Variants in GSDMC observed in about 807,000 individuals in gnomAD.
GSDMC encodes gasdermin C, also known as gasdermin-C.
Under a neutral mutation model 58.0 loss-of-function variants are expected in GSDMC, and 59 were observed. That is an observed-to-expected ratio of 1.02 (90% CI 0.82 to 1.26). The LOEUF is 1.26. Among genes scored for constraint, GSDMC ranks in the 50% most tolerant of loss-of-function variants. The pLI, the probability that GSDMC is intolerant of heterozygous loss-of-function variation, is 0.00. For missense variants in GSDMC, 659 were observed against 598.5 expected, an observed-to-expected ratio of 1.10 and a Z score of -1.06; for synonymous variants, 241 against 220.2, an observed-to-expected ratio of 1.09 and a Z score of -0.83.
chr8:129,749,044 G>A (rs936394717), intron 13 of GSDMC, among the ~76,000 whole-genome samples: 1 of 152,120 alleles, frequency 6.6e-6, no homozygotes, highest in Non-Finnish European at 1.5e-5. Flanking sequence ...ATAAAGGTAT[G>A]TATTTATATA....
the GSDMC span, among the ~76,000 whole-genome samples, chr8:129,717,164 A>ATTG: frequency 6.9e-6 from 1 of 144,514 alleles, no homozygotes; most frequent in African/African-American, 2.5e-5. Flanking sequence ...CTCTTTTTCT[A>ATTG]TTGTTTGGAA....
At chr8:129,735,097 A>G in the GSDMC span, among the ~76,000 whole-genome samples, 1 of 152,240 alleles carries the variant, frequency 6.6e-6, no homozygotes, top group Non-Finnish European at 1.5e-5. Context: ...ATTCAACAAG[A>G]AGAGCTAACT....
At chr8:129,752,952 CCA>C in intron 6 of GSDMC, 132 bp from the exon 7 acceptor site, 2 of 1,441,132 alleles carry the variant, frequency 1.4e-6, no homozygotes, top group Non-Finnish European at 1.9e-6. Flanking sequence ...TGAACAAGAC[CCA>C]CTCAAAGAGG....
In GSDMC at chr8:129,765,811, G is replaced by C; in HGVS notation, c.405-18C>G. On this transcript the variant is annotated intron_variant, in intron 3 of 13. Transcript: ENST00000276708. ...ACAGTTTCCTGGGGATTTAAGGAAG[G>C]AGGACAAGAGTCAGAGTGGGAAAGT... 1 of 1,609,210 alleles carries C rather than the reference G, an allele frequency of 6.2e-7. No homozygotes were observed. Among genetic ancestry groups the C allele is most frequent in the Non-Finnish European group, 8.5e-7 (1 of 1,177,266 alleles).
the GSDMC span, chr8:129,705,685 A>G: frequency 6.6e-6 from 1 of 152,242 alleles, no homozygotes; most frequent in Non-Finnish European, 1.5e-5. Context: ...CATGGGGATT[A>G]TGGGAACTAT....
the GSDMC span, among the ~76,000 whole-genome samples, chr8:129,734,046 C>T: frequency 2.3e-4 from 35 of 152,004 alleles, no homozygotes; most frequent in South Asian, 4.2e-3. Flanking sequence ...CTTCAACAGC[C>T]GATTCAATCA....
chr8:129,740,786 C>T, the GSDMC span, among the ~76,000 whole-genome samples: 1 of 152,150 alleles, frequency 6.6e-6, no homozygotes, highest in East Asian at 1.9e-4. Context: ...TTCTCCTAAT[C>T]CATAGGTTGT....
At chr8:129,769,387 A>T (rs1356531679) in intron 3 of GSDMC, among the ~76,000 whole-genome samples, 2 of 152,170 alleles carry the variant, frequency 1.3e-5, no homozygotes, top group Non-Finnish European at 2.9e-5. Context: ...GAAAGAAAAA[A>T]ACTGTCTTAG....
chr8:129,749,719 G>A (rs1170126834), intron 12 of GSDMC, among the ~76,000 whole-genome samples, 194 bp from the exon 13 acceptor site: 1 of 152,140 alleles, frequency 6.6e-6, no homozygotes, highest in African/African-American at 2.4e-5. Flanking sequence ...AGGGACCAGA[G>A]GACGGGATTC....
chr8:129,736,354 C>G, the GSDMC span, among the ~76,000 whole-genome samples: 1 of 152,256 alleles, frequency 6.6e-6, no homozygotes, highest in East Asian at 1.9e-4. Context: ...AATTTTAGAC[C>G]AATATCCCTG....
At chr8:129,775,760 A>AT (rs879594602) in intron 3 of GSDMC, among the ~76,000 whole-genome samples, 10 of 152,108 alleles carry the variant, frequency 6.6e-5, no homozygotes, top group Non-Finnish European at 1.3e-4. Flanking sequence ...TTGTTAATTT[A>AT]TTTTTTATTG....
the GSDMC span, among the ~76,000 whole-genome samples, chr8:129,716,047 G>T: frequency 6.6e-6 from 1 of 151,940 alleles, no homozygotes; most frequent in Non-Finnish European, 1.5e-5. Flanking sequence ...AAGATAAAAA[G>T]GAATTATTTG....
Position 129,765,746 on chromosome 8 carries a change from C to T in GSDMC, c.452G>A (p.Arg151Lys). The T allele has an allele frequency of 6.2e-7, 1 of 1,613,848 alleles. No homozygotes were observed. The highest frequency in any genetic ancestry group is 8.5e-7 in the Non-Finnish European group (1 of 1,179,726). The stretch of plus-strand genomic sequence containing the variant: ...TGTCACCACGTACAGGTTGTCCCCT[C>T]TCCTCCGGCACTCCTTCAGAAATGA... ...EPSFLKECRR[R>K]GDNLYVVTEA... Residue 151 changes from arginine to lysine, a missense_variant, in exon 4 of 14, where the codon AGA (arginine) becomes AAA (lysine). Transcript: ENST00000276708.
rs1287627052 is a variant in GSDMC at position 129,786,353 on chromosome 8, A to G, written c.-347T>C. 3 of 152,074 alleles carry G rather than the reference A, an allele frequency of 2.0e-5. No homozygotes were observed. Among genetic ancestry groups the G allele is most frequent in the South Asian group, 2.1e-4 (1 of 4,818 alleles). The allele number at this position is 152,074 out of a possible 1,614,324, so 9.4% of individuals were successfully genotyped here. ...AAAAAAAAGAGAGAAAAATAGCACAATTGAGTAGGGCCCCTTCCAATCTTC... is the reference window on the plus strand; with the variant it reads ...AAAAAAAAGAGAGAAAAATAGCACAGTTGAGTAGGGCCCCTTCCAATCTTC... On this transcript the variant is annotated 5_prime_UTR_variant, in exon 1 of 14. Transcript: ENST00000276708.
rs775129703 is a variant in GSDMC, at chr8:129,749,538, G to T, written c.1214-13C>A. ...AAGTCACTCAGCACTGAGGGTGGGG[G>T]ACATGTGGGGAAAGACAGTAGTGAA... On this transcript the variant is annotated splice_polypyrimidine_tract_variant and intron_variant, in intron 12 of 13. Coordinates refer to ENST00000276708, the MANE Select transcript of GSDMC (RefSeq NM_031415.3). The T allele has an allele frequency of 1.9e-6, 3 of 1,604,380 alleles. No individual in the cohort carries two copies. The highest frequency in any genetic ancestry group is 1.7e-6 in the Non-Finnish European group (2 of 1,171,414).
the GSDMC span, among the ~76,000 whole-genome samples, chr8:129,733,647 A>G: frequency 1.3e-5 from 2 of 152,170 alleles, no homozygotes; most frequent in Non-Finnish European, 2.9e-5. Context: ...GCACATCCAC[A>G]CCAAAACCCC....
downstream of GSDMC, among the ~76,000 whole-genome samples, chr8:129,744,326 G>C (rs938151168): frequency 3.3e-5 from 5 of 152,104 alleles, no homozygotes; most frequent in Non-Finnish European, 5.9e-5. Flanking sequence ...TTCACTAAAA[G>C]CTATTTAATC....
intron 1 of GSDMC, among the ~76,000 whole-genome samples, chr8:129,782,384 T>C (rs1481058236): frequency 6.6e-6 from 1 of 151,754 alleles, no homozygotes; most frequent in Non-Finnish European, 1.5e-5. Context: ...ATAAATGAAG[T>C]TAAAATTAAG....
chr8:129,749,865 G>T, intron 12 of GSDMC, 125 bp downstream of exon 12: 1 of 745,712 alleles, frequency 1.3e-6, no homozygotes, highest in Non-Finnish European at 2.2e-6. Flanking sequence ...AGAGAGAGCT[G>T]TGATGTAAGG....
Sources: gnomAD v4.1 joint callset for allele counts (sites outside exome capture counted in the v4.1 genomes callset) on GRCh38, gnomAD v4.1.1 for gene constraint, MANE v1.5 for transcripts, NCBI Gene and HGNC (gene_info 2026-07-23, HGNC 2026-07-21) for gene names.